CLYBL: variants seen among roughly 807,000 people sequenced by gnomAD.
The protein encoded by CLYBL is citramalyl-CoA lyase.
A neutral mutation model predicts 38.9 loss-of-function variants in CLYBL; 31 were observed. The observed-to-expected ratio is 0.80, with a 90% CI of 0.60 to 1.08. The LOEUF (loss-of-function observed/expected upper bound fraction) is 1.08. Ranked by LOEUF, CLYBL falls within the 50% of genes least tolerant of loss-of-function variation. The probability of loss-of-function intolerance (pLI) is 0.00; values close to 1 mark genes in which losing one functional copy is unlikely to be tolerated. For missense variants in CLYBL, 434 were observed against 411.6 expected (o/e 1.05, Z -0.47); for synonymous variants, 171 against 158.6 (o/e 1.08, Z -0.59).
chr13:99,626,770 T>A (rs2046875629), intron 1 of CLYBL, among the ~76,000 whole-genome samples: 1 of 152,158 alleles, frequency 6.6e-6, no homozygotes, highest in African/African-American at 2.4e-5. Context: ...ACAGTTTAAA[T>A]GTCAATTACC....
At chr13:99,861,394 A>T (rs1417092902) in intron 3 of CLYBL, among the ~76,000 whole-genome samples, 2 of 152,232 alleles carry the variant, frequency 1.3e-5, no homozygotes, top group Non-Finnish European at 2.9e-5. Flanking sequence ...TATAACTGTC[A>T]TCACAAAGAA....
chr13:99,611,890 T>G (rs2046632003), intron 1 of CLYBL, among the ~76,000 whole-genome samples: 1 of 152,168 alleles, frequency 6.6e-6, no homozygotes, highest in Non-Finnish European at 1.5e-5. Flanking sequence ...GTGCCTGGAG[T>G]TGTTCATGCT....
At chr13:99,728,781 T>C (rs1251557266) in intron 1 of CLYBL, among the ~76,000 whole-genome samples, 1 of 151,736 alleles carries the variant, frequency 6.6e-6, no homozygotes, top group Non-Finnish European at 1.5e-5. Flanking sequence ...TGGAGTCTCA[T>C]TATGTTGCCC....
Position 99,841,679 on chromosome 13 carries a change from C to T in CLYBL, c.250-17182C>T, listed in dbSNP as rs555698883. Among the ~76,000 whole-genome samples the T allele has an allele frequency of 3.9e-5, 6 of 152,308 alleles. No individual in the cohort carries two copies. In the South Asian group the frequency reaches 6.2e-4, roughly 16 times the overall value. On this transcript the variant is annotated intron_variant, in intron 2 of 8. Transcript: ENST00000339105. ...GCTCCCAAAGTGCCGGCATCACAGG[C>T]GTGAGCCACTGCGCCCGGCCACACA...
chr13:99,773,798 T>C (rs1218374993), intron 2 of CLYBL, among the ~76,000 whole-genome samples: 1 of 152,206 alleles, frequency 6.6e-6, no homozygotes, highest in Non-Finnish European at 1.5e-5. Flanking sequence ...GTCAAGAGAA[T>C]AAAACATAGT....
intron 1 of CLYBL, among the ~76,000 whole-genome samples, chr13:99,768,494 CTTTTTTTTTTTTT>C (rs779750350): frequency 9.4e-5 from 8 of 84,894 alleles, no homozygotes; most frequent in South Asian, 9.6e-4. Flanking sequence ...CGCCCGACCT[CTTTTTTTTTTTTT>C]TTTTTTTTTT....
At chr13:99,778,976 C>T (rs1397072027) in intron 2 of CLYBL, among the ~76,000 whole-genome samples, 1 of 152,144 alleles carries the variant, frequency 6.6e-6, no homozygotes, top group Non-Finnish European at 1.5e-5. Context: ...ACCTACTCAA[C>T]TAGTTGCCAT....
At chr13:99,879,816 A>G (rs1251945949) in intron 7 of CLYBL, among the ~76,000 whole-genome samples, 2 of 152,118 alleles carry the variant, frequency 1.3e-5, no homozygotes, top group Non-Finnish European at 2.9e-5. Context: ...GATAAGTGGA[A>G]TTAAATAATC....
intron 2 of CLYBL, among the ~76,000 whole-genome samples, chr13:99,855,399 C>T (rs1023315008): frequency 2.0e-5 from 3 of 152,166 alleles, no homozygotes; most frequent in Non-Finnish European, 2.9e-5. Context: ...ACCCTGAGAG[C>T]CCTTCTGAGA....
chr13:99,731,963 G>T (rs1247158829), intron 1 of CLYBL, among the ~76,000 whole-genome samples: 1 of 152,086 alleles, frequency 6.6e-6, no homozygotes, highest in Non-Finnish European at 1.5e-5. Context: ...GGAGCACAGG[G>T]CATACAGGCA....
rs142970691 is a variant in CLYBL, at chr13:99,768,032, A to T, written c.63-4792A>T. Among the ~76,000 whole-genome samples the T allele has an allele frequency of 3.7e-4, 56 of 152,114 alleles. No individual in the cohort carries two copies. The Middle Eastern group carries it at 0.01, about 28-fold the overall frequency. On this transcript the variant is annotated intron_variant, in intron 1 of 8. Coordinates refer to ENST00000339105, the MANE Select transcript of CLYBL (RefSeq NM_206808.5). ...TGATTTTTTTGTTGTTGAAAAGTGAATGTTTGAATCTAACAGTGTGGTATC... is the reference window on the plus strand; with the variant it reads ...TGATTTTTTTGTTGTTGAAAAGTGATTGTTTGAATCTAACAGTGTGGTATC...
chr13:99,831,303 A>C (rs1028669910), intron 2 of CLYBL, among the ~76,000 whole-genome samples: 1 of 152,218 alleles, frequency 6.6e-6, no homozygotes, highest in Non-Finnish European at 1.5e-5. Context: ...TACACCTCAG[A>C]TATATTATCA....
At chr13:99,791,344 T>G (rs1396602588) in intron 2 of CLYBL, among the ~76,000 whole-genome samples, 1 of 121,402 alleles carries the variant, frequency 8.2e-6, no homozygotes, top group African/African-American at 3.5e-5. Context: ...AAATGCTACA[T>G]AAATAGTGTC....
At chr13:99,682,999 A>G (rs892160239) in intron 1 of CLYBL, among the ~76,000 whole-genome samples, 8 of 151,174 alleles carry the variant, frequency 5.3e-5, no homozygotes, top group African/African-American at 1.9e-4. Flanking sequence ...CGCCCTCCCA[A>G]AGTGCTGGGA....
intron 1 of CLYBL, among the ~76,000 whole-genome samples, chr13:99,770,684 G>C (rs2049371389): frequency 6.6e-6 from 1 of 152,050 alleles, no homozygotes; most frequent in South Asian, 2.1e-4. Flanking sequence ...GATTACAGGA[G>C]TGAGCCACTG....
chr13:99,817,020 G>A (rs776795007), intron 2 of CLYBL, among the ~76,000 whole-genome samples: 2 of 152,120 alleles, frequency 1.3e-5, no homozygotes, highest in Non-Finnish European at 2.9e-5. Context: ...GTGAGTGAAG[G>A]CCATGTAATT....
At chr13:99,828,796 G>T (rs1190606759) in intron 2 of CLYBL, among the ~76,000 whole-genome samples, 7 of 151,938 alleles carry the variant, frequency 4.6e-5, no homozygotes, top group Non-Finnish European at 8.8e-5. Flanking sequence ...TTTCTTTCTT[G>T]CTCATTGCTT....
intron 2 of CLYBL, among the ~76,000 whole-genome samples, chr13:99,802,461 G>T (rs935110486): frequency 6.6e-6 from 1 of 151,974 alleles, no homozygotes; most frequent in Admixed American, 6.6e-5. Context: ...TTTTGGGGGG[G>T]TCCAGACTCT....
At chr13:99,873,482 C>T (rs1314344256) in intron 7 of CLYBL, among the ~76,000 whole-genome samples, 1 of 152,162 alleles carries the variant, frequency 6.6e-6, no homozygotes, top group Non-Finnish European at 1.5e-5. Flanking sequence ...TGGTTTGTGT[C>T]CTAGTGTGAC....
Sources: allele counts gnomAD v4.1 joint callset (sites outside exome capture counted in the v4.1 genomes callset), GRCh38; gene constraint gnomAD v4.1.1; transcripts MANE v1.5; gene names NCBI Gene and HGNC (gene_info 2026-07-23, HGNC 2026-07-21).